Variants in LHFPL7 observed in about 807,000 individuals in gnomAD.
LHFPL7 encodes the protein LHFPL tetraspan subfamily member 7.
chr22:24,941,103 G>A, the LHFPL7 span, among the ~76,000 whole-genome samples: 829 of 151,224 alleles, frequency 5.5e-3, 5 homozygotes, highest in African/African-American at 0.018. Context: ...CATTTTGTGT[G>A]GAGTTAGGTT....
the LHFPL7 span, among the ~76,000 whole-genome samples, chr22:24,940,787 CTCTT>C: frequency 1.8e-4 from 26 of 142,694 alleles, no homozygotes; most frequent in Middle Eastern, 3.5e-3. Flanking sequence ...CCCTCTCTCT[CTCTT>C]TCTTTCTTTC....
At chr22:24,941,111 G>A in the LHFPL7 span, among the ~76,000 whole-genome samples, 1 of 150,362 alleles carries the variant, frequency 6.7e-6, no homozygotes, top group African/African-American at 2.4e-5. Context: ...GTGGAGTTAG[G>A]TTTGCAAAAT....
the LHFPL7 span, among the ~76,000 whole-genome samples, chr22:24,942,501 A>G: frequency 3.1e-4 from 47 of 152,346 alleles, no homozygotes; most frequent in African/African-American, 1.1e-3. Flanking sequence ...AACCAGGCCA[A>G]GGGCACTTAG....
chr22:24,937,683 G>A, the LHFPL7 span, among the ~76,000 whole-genome samples: 4 of 152,184 alleles, frequency 2.6e-5, no homozygotes, highest in Non-Finnish European at 4.4e-5. Context: ...ATGAAGACCT[G>A]GCTAGTATAT....
the LHFPL7 span, among the ~76,000 whole-genome samples, chr22:24,941,710 C>A: frequency 1.4e-5 from 2 of 146,394 alleles, no homozygotes; most frequent in Non-Finnish European, 3.0e-5. Context: ...CTTGCTCTGT[C>A]TCCAGGCTGG....
At chr22:24,935,876 A>G in the LHFPL7 span, among the ~76,000 whole-genome samples, 19 of 152,124 alleles carry the variant, frequency 1.2e-4, no homozygotes, top group African/African-American at 4.6e-4. Flanking sequence ...CCTTCTGTCC[A>G]TCTTCCTACT....
chr22:24,936,360 A>T, the LHFPL7 span, among the ~76,000 whole-genome samples: 1 of 151,998 alleles, frequency 6.6e-6, no homozygotes, highest in Non-Finnish European at 1.5e-5. Flanking sequence ...CCATTCATCC[A>T]TCCACCAGTC....
At chr22:24,945,657 C>T in the LHFPL7 span, among the ~76,000 whole-genome samples, 38 of 152,220 alleles carry the variant, frequency 2.5e-4, no homozygotes, top group Admixed American at 2.3e-3. Context: ...ACCCATCAAT[C>T]GATATATACA....
At chr22:24,941,546 T>G in the LHFPL7 span, among the ~76,000 whole-genome samples, 1 of 151,774 alleles carries the variant, frequency 6.6e-6, no homozygotes, top group Non-Finnish European at 1.5e-5. Flanking sequence ...AAATATTCAG[T>G]CCATAGCAAG....
chr22:24,946,259 G>A, the LHFPL7 span, among the ~76,000 whole-genome samples: 14 of 151,618 alleles, frequency 9.2e-5, no homozygotes, highest in East Asian at 1.6e-3. Flanking sequence ...GCAGTGAGCC[G>A]AGATCACACC....
chr22:24,936,625 A>G, the LHFPL7 span, among the ~76,000 whole-genome samples: 1 of 152,188 alleles, frequency 6.6e-6, no homozygotes, highest in Admixed American at 6.5e-5. Context: ...GCTGCTCTCC[A>G]GCCACCCTTG....
chr22:24,935,678 A>T, the LHFPL7 span: 12 of 1,495,620 alleles, frequency 8.0e-6, no homozygotes, highest in Non-Finnish European at 9.9e-6. Flanking sequence ...TCCACCCTTT[A>T]TCCACCCATC....
the LHFPL7 span, among the ~76,000 whole-genome samples, chr22:24,937,571 A>G: frequency 0.029 from 4,406 of 152,274 alleles, 159 homozygotes; most frequent in East Asian, 0.083. Context: ...ATGTGGCCAA[A>G]TAGACACTAA....
At chr22:24,935,198 A>T in the LHFPL7 span, 1 of 1,206,624 alleles carries the variant, frequency 8.3e-7, no homozygotes, top group African/African-American at 1.5e-5. Flanking sequence ...CCAGAAGAAA[A>T]AACTGTTCCA....
At chr22:24,941,459 C>T in the LHFPL7 span, among the ~76,000 whole-genome samples, 1 of 152,094 alleles carries the variant, frequency 6.6e-6, no homozygotes, top group Non-Finnish European at 1.5e-5. Flanking sequence ...TCCCTTGAAG[C>T]AGATCCCAAG....
the LHFPL7 span, among the ~76,000 whole-genome samples, chr22:24,940,204 G>T: frequency 3.3e-4 from 49 of 150,156 alleles, 1 homozygote; most frequent in African/African-American, 1.0e-3. Flanking sequence ...GGGATTACAG[G>T]CGTGAGCCAC....
the LHFPL7 span, among the ~76,000 whole-genome samples, chr22:24,944,718 CTATTTATTTATTTATTTATT>C: frequency 1.3e-5 from 2 of 148,984 alleles, no homozygotes; most frequent in Non-Finnish European, 3.0e-5. Context: ...ACATGCCTGG[CTATTTATTTATTTATTTATT>C]TATTTATTTA....
At chr22:24,938,568 G>T in the LHFPL7 span, among the ~76,000 whole-genome samples, 4 of 152,162 alleles carry the variant, frequency 2.6e-5, no homozygotes, top group Non-Finnish European at 5.9e-5. Context: ...AGAACACATG[G>T]GTAATTAAGT....
chr22:24,940,636 C>CCTTCCTTCCTTCCTT, the LHFPL7 span, among the ~76,000 whole-genome samples: 23 of 61,088 alleles, frequency 3.8e-4, no homozygotes, highest in African/African-American at 1.4e-3. Context: ...CATATGCCCG[C>CCTTCCTTCCTTCCTT]CCTTCCTTCC....
Sources: allele counts gnomAD v4.1 joint callset (sites outside exome capture counted in the v4.1 genomes callset), GRCh38; gene constraint gnomAD v4.1.1; transcripts MANE v1.5; gene names NCBI Gene and HGNC (gene_info 2026-07-23, HGNC 2026-07-21).